The following ENOSF1 variants were observed in gnomAD, a reference collection of about 807,000 sequenced individuals.
The protein encoded by ENOSF1 is mitochondrial enolase superfamily member 1.
Under a neutral mutation model 68.2 loss-of-function variants are expected in ENOSF1, and 73 were observed. That is an observed-to-expected ratio of 1.07 (90% CI 0.89 to 1.30). ENOSF1 has a LOEUF of 1.30. Ranked by LOEUF, ENOSF1 falls within the 50% of genes most tolerant of loss-of-function variation. The pLI is 0.00. For missense variants in ENOSF1, 589 were observed against 554.5 expected (o/e 1.06, Z -0.62); for synonymous variants, 223 against 210.4 (o/e 1.06, Z -0.52).
At chr18:675,275 T>G (rs890314264) in intron 15 of ENOSF1, 46 bp downstream of exon 15, 7 of 1,476,064 alleles carry the variant, frequency 4.7e-6, no homozygotes, top group Non-Finnish European at 6.6e-6. Flanking sequence ...GGCGTGGCAG[T>G]GGCTGGCAGC....
chr18:664,779 G>A, the ENOSF1 span, among the ~76,000 whole-genome samples: 2 of 150,324 alleles, frequency 1.3e-5, no homozygotes, highest in Admixed American at 6.6e-5. Flanking sequence ...AGATAATCAT[G>A]TGGTTTTTGT....
chr18:680,676 G>T (rs1475257294), intron 11 of ENOSF1, among the ~76,000 whole-genome samples: 7 of 101,030 alleles, frequency 6.9e-5, no homozygotes, highest in Admixed American at 1.1e-4. Context: ...ATGCTGTTGT[G>T]TTTTTTTTTT....
At chr18:668,841 G>T (rs963253217), downstream of ENOSF1, among the ~76,000 whole-genome samples, 1 of 152,144 alleles carries the variant, frequency 6.6e-6, no homozygotes, top group Non-Finnish European at 1.5e-5. Context: ...GGACTGTGTA[G>T]AAGAGGAAAA....
At chr18:665,705 G>GT (rs902016198), downstream of ENOSF1, among the ~76,000 whole-genome samples, 16 of 95,978 alleles carry the variant, frequency 1.7e-4, 4 homozygotes, top group Admixed American at 1.1e-3. Context: ...AGAGATTCTG[G>GT]TATGTTGTGT....
Position 670,469 on chromosome 18 carries a change from A to G in ENOSF1, c.*3836T>C. ...AGCTCTGATGGAAGAGCATTGCTTC[A>G]GCCGTAAATGGACACCTGCAGAAAC... On this transcript the variant is annotated 3_prime_UTR_variant, in exon 16 of 16. Coordinates refer to ENST00000647584, the MANE Select transcript of ENOSF1 (RefSeq NM_017512.7). The G allele has an allele frequency of 1.8e-6, 1 of 541,036 alleles. No homozygotes were observed. The highest frequency in any genetic ancestry group is 3.0e-5 in the East Asian group (1 of 32,852). 33.5% of individuals were successfully genotyped at this position (541,036 alleles called of 1,614,324 possible). A position where few individuals can be genotyped will look rare whatever the true frequency, so the allele number is the denominator to read the frequency against.
chr18:675,442 G>T, intron 14 of ENOSF1, 40 bp from the exon 15 acceptor site: 1 of 1,542,476 alleles, frequency 6.5e-7, no homozygotes, highest in Non-Finnish European at 8.9e-7. Flanking sequence ...GATGCCTGAA[G>T]TCAGATTATT....
intron 1 of ENOSF1, among the ~76,000 whole-genome samples, chr18:711,093 C>T (rs1235737577): frequency 6.6e-6 from 1 of 152,078 alleles, no homozygotes; most frequent in Non-Finnish European, 1.5e-5. Flanking sequence ...TTGGTTGAGT[C>T]AGGGAGGTCA....
At chr18:711,830 A>T (rs2079585159) in intron 1 of ENOSF1, among the ~76,000 whole-genome samples, 1 of 152,196 alleles carries the variant, frequency 6.6e-6, no homozygotes, top group Non-Finnish European at 1.5e-5. Flanking sequence ...CATGTGACGC[A>T]GTTAGCACGC....
At chr18:668,074 A>T (rs1339233876), downstream of ENOSF1, among the ~76,000 whole-genome samples, 1 of 147,978 alleles carries the variant, frequency 6.8e-6, no homozygotes, top group Non-Finnish European at 1.5e-5. Context: ...ATCTTGGGTA[A>T]CATCCTGTAT....
chr18:694,104 CCT>C, intron 4 of ENOSF1, 142 bp downstream of exon 4: 1 of 1,063,974 alleles, frequency 9.4e-7, no homozygotes, highest in African/African-American at 1.6e-5. Context: ...ACTGCCAAAA[CCT>C]CTCAGAGGAG....
At chr18:690,845 T>C (rs2077085464) in intron 7 of ENOSF1, 1 of 1,415,992 alleles carries the variant, frequency 7.1e-7, no homozygotes, top group South Asian at 1.5e-5. Context: ...CTCCCTACAG[T>C]GTAATCCTAA....
chr18:681,090 G>A (rs1204071473), intron 11 of ENOSF1, among the ~76,000 whole-genome samples: 1 of 152,146 alleles, frequency 6.6e-6, no homozygotes, highest in Non-Finnish European at 1.5e-5. Flanking sequence ...TCAAACTCCT[G>A]ACCTCAGGTG....
chr18:679,947 G>A (rs1389914765), intron 11 of ENOSF1, among the ~76,000 whole-genome samples: 1 of 152,104 alleles, frequency 6.6e-6, no homozygotes, highest in Non-Finnish European at 1.5e-5. Context: ...ATGATTCCTG[G>A]TCTCAATCCA....
downstream of ENOSF1, among the ~76,000 whole-genome samples, chr18:665,353 T>C (rs2074799569): frequency 1.3e-5 from 2 of 151,068 alleles, no homozygotes; most frequent in East Asian, 4.0e-4. Context: ...TTCTGTGGGA[T>C]TGGTGGTGAT....
chr18:693,625 G>GT (rs2077426163), intron 5 of ENOSF1: 1 of 985,410 alleles, frequency 1.0e-6, no homozygotes, highest in African/African-American at 1.7e-5. Flanking sequence ...AACTGGCACC[G>GT]TGTGTTACAC....
chr18:688,870 T>A (rs909132234), intron 8 of ENOSF1, among the ~76,000 whole-genome samples: 2 of 152,034 alleles, frequency 1.3e-5, no homozygotes, highest in African/African-American at 4.8e-5. Flanking sequence ...ATAGCACTGA[T>A]CTCTCTCTTT....
chr18:703,769 T>C (rs1183262934), intron 2 of ENOSF1, among the ~76,000 whole-genome samples: 2 of 152,196 alleles, frequency 1.3e-5, no homozygotes. Context: ...ACAAATTTCA[T>C]GTTGAAGTGT....
At chr18:688,957 C>T (rs2076893538) in intron 8 of ENOSF1, among the ~76,000 whole-genome samples, 1 of 152,166 alleles carries the variant, frequency 6.6e-6, no homozygotes, top group African/African-American at 2.4e-5. Flanking sequence ...CCTCTCTCTC[C>T]ACTCTCTAGA....
At chr18:697,077 A>T (rs191733822) in intron 3 of ENOSF1, among the ~76,000 whole-genome samples, 163 bp downstream of exon 3, 7 of 152,320 alleles carry the variant, frequency 4.6e-5, no homozygotes, top group Non-Finnish European at 8.8e-5. Flanking sequence ...AGATTGCATC[A>T]CTGCACTCCA....
Sources: gnomAD v4.1 joint callset for allele counts (sites outside exome capture counted in the v4.1 genomes callset) on GRCh38, gnomAD v4.1.1 for gene constraint, MANE v1.5 for transcripts, NCBI Gene and HGNC (gene_info 2026-07-23, HGNC 2026-07-21) for gene names.